Variants in PLA2G2C observed in about 807,000 individuals in gnomAD.
The protein encoded by PLA2G2C is putative inactive group IIC secretory phospholipase A2.
A neutral mutation model predicts 14.3 loss-of-function variants in PLA2G2C; 15 were observed. That is an observed-to-expected ratio of 1.05 (90% confidence interval 0.70 to 1.62). The LOEUF (loss-of-function observed/expected upper bound fraction) is 1.62, where lower values mean the gene tolerates loss of function less well. PLA2G2C is among the 40% of genes most tolerant of loss of function. PLA2G2C has a pLI of 0.00. For missense variants in PLA2G2C, 162 were observed against 173.2 expected (o/e 0.94, Z 0.36); for synonymous variants, 79 against 67.7 (o/e 1.17, Z -0.82).
intron 3 of PLA2G2C, among the ~76,000 whole-genome samples, chr1:20,173,256 C>T (rs2018121498): frequency 6.6e-6 from 1 of 151,976 alleles, no homozygotes; most frequent in Non-Finnish European, 1.5e-5. Flanking sequence ...ACGGAGGCTG[C>T]AGTGAGCTCT....
chr1:20,184,101 AG>A (rs1483036437), intron 1 of PLA2G2C: 1 of 152,258 alleles, frequency 6.6e-6, no homozygotes, highest in African/African-American at 2.4e-5. Flanking sequence ...GGAGAGCAAA[AG>A]GCAGGTACTG....
chr1:20,186,301 G>A (rs1210054664), intron 1 of PLA2G2C, 59 bp downstream of exon 1: 3 of 152,328 alleles, frequency 2.0e-5, no homozygotes, highest in Non-Finnish European at 1.5e-5. Flanking sequence ...CCGGGAGACA[G>A]GCGAGGAGCC....
chr1:20,164,078 G>T lies in PLA2G2C; in HGVS notation c.363C>A (p.Cys121Ter), dbSNP rs775403264. 3 of 1,613,836 alleles carry T rather than the reference G, an allele frequency of 1.9e-6. No homozygotes were observed. The highest frequency in any genetic ancestry group is 2.5e-6 in the Non-Finnish European group (3 of 1,179,880). The change falls in exon 5 of 5, where the codon TGC becomes TGA. Residue 121 changes from cysteine to a stop codon, truncating the protein, a stop_gained. Transcript: ENST00000679259. LOFTEE classifies it high-confidence loss of function. ...CATAGGTGGGCAGGCTCTCTTTGAAGCAGTGCACGGATTGCTTGTCACACT... is the reference window on the plus strand; with the variant it reads ...CATAGGTGGGCAGGCTCTCTTTGAATCAGTGCACGGATTGCTTGTCACACT... ...ACECDKQSVH[C>*]FKESLPTYEK...
At chr1:20,165,713 T>G (rs1409474282) in intron 4 of PLA2G2C, among the ~76,000 whole-genome samples, 2 of 147,792 alleles carry the variant, frequency 1.4e-5, no homozygotes, top group East Asian at 5.2e-4. Flanking sequence ...TGCGTGTGCC[T>G]GTGTGCATGT....
intron 1 of PLA2G2C, among the ~76,000 whole-genome samples, chr1:20,179,148 CCA>C (rs2018235561): frequency 6.6e-6 from 1 of 152,196 alleles, no homozygotes; most frequent in Admixed American, 6.5e-5. Context: ...GGTCCCAGCC[CCA>C]GAGCTCCCTG....
rs1184739005 is a variant in PLA2G2C, at chr1:20,164,185, G to C, written c.284-28C>G. On this transcript the variant is annotated intron_variant, in intron 4 of 4. Transcript: ENST00000679259. ...ACAGAGACACAGAGGGTCACTGGGG[G>C]CTCCCAGCCCAGCCCCAGGGTTTGG... 1.6e-5 allele frequency: 26 copies of C among 1,597,610 alleles called. 1 individual carries two copies. The highest frequency in any genetic ancestry group is 2.1e-5 in the Non-Finnish European group (25 of 1,171,752).
rs72970775 is a variant in PLA2G2C at position 20,169,584 on chromosome 1, G to A, written c.283+3210C>T. Reference sequence around the variant, plus strand: ...CAGTAATAAAGAAAATCCCAGTGCCGTAAGCAAAGAGGAAAAGAAAACTTG... The same window carrying A: ...CAGTAATAAAGAAAATCCCAGTGCCATAAGCAAAGAGGAAAAGAAAACTTG... On this transcript the variant is annotated intron_variant, in intron 4 of 4. Transcript: ENST00000679259. 1.5e-3 allele frequency among the ~76,000 whole-genome samples: 232 copies of A among 152,300 alleles called. 7 individuals carry two copies. The East Asian group carries it at 0.037, about 24-fold the overall frequency.
intron 1 of PLA2G2C, among the ~76,000 whole-genome samples, chr1:20,185,177 AC>A (rs1293791718): frequency 6.6e-6 from 1 of 151,912 alleles, no homozygotes; most frequent in Admixed American, 6.6e-5. Context: ...GGGAGAGAGA[AC>A]CCAGTGGTCG....
rs566391069 is a variant in PLA2G2C at position 20,173,087 on chromosome 1, T to C, written c.180-190A>G. Among the ~76,000 whole-genome samples, 3 of 151,624 alleles carry C rather than the reference T, an allele frequency of 2.0e-5. No homozygotes were observed. In the East Asian group the frequency reaches 5.9e-4, roughly 30 times the overall value. On this transcript the variant is annotated intron_variant, in intron 3 of 4. Coordinates refer to ENST00000679259, the MANE Select transcript of PLA2G2C (RefSeq NM_001367969.2). ...ACTTTGTGAGGATAAGGCAGGAGGA[T>C]CGCTTCAGTCCAGGAGTTTGAGACC... is the stretch of plus-strand genomic sequence containing the variant.
In PLA2G2C at chr1:20,163,927, A is replaced by G; in HGVS notation, c.*64T>C. ...AGGGGCCTGTTGGGGATGATCTGAG[A>G]AGGCTTCCTGGAAGAGCAACACTAG... On this transcript the variant is annotated 3_prime_UTR_variant, in exon 5 of 5. Coordinates refer to ENST00000679259, the MANE Select transcript of PLA2G2C (RefSeq NM_001367969.2). 1 of 1,515,384 alleles carries G rather than the reference A, an allele frequency of 6.6e-7. No individual in the cohort carries two copies. Among genetic ancestry groups the G allele is most frequent in the Non-Finnish European group, 8.9e-7 (1 of 1,124,052 alleles). 93.9% of individuals were successfully genotyped at this position (1,515,384 alleles called of 1,614,324 possible). A position where few individuals can be genotyped will look rare whatever the true frequency, so the allele number is the denominator to read the frequency against.
At chr1:20,175,418 T>TC (rs2100720586) in intron 2 of PLA2G2C, among the ~76,000 whole-genome samples, 1 of 152,244 alleles carries the variant, frequency 6.6e-6, no homozygotes, top group Admixed American at 6.5e-5. Context: ...TCAACCATAG[T>TC]CTTCCCCCTC....
chr1:20,175,914 T>A (rs1210307356), intron 2 of PLA2G2C, among the ~76,000 whole-genome samples: 2 of 151,282 alleles, frequency 1.3e-5, no homozygotes, highest in African/African-American at 4.9e-5. Context: ...TTCCTTCTTT[T>A]TTTTTTTTTT....
At chr1:20,167,393 G>A (rs2017996915) in intron 4 of PLA2G2C, among the ~76,000 whole-genome samples, 1 of 152,164 alleles carries the variant, frequency 6.6e-6, no homozygotes, top group Non-Finnish European at 1.5e-5. Context: ...AGTATTTGGT[G>A]CCACTATCTA....
chr1:20,181,403 C>T (rs1015461312), intron 1 of PLA2G2C, among the ~76,000 whole-genome samples: 1 of 152,004 alleles, frequency 6.6e-6, no homozygotes. Flanking sequence ...CGATTCATTC[C>T]AGTTTACCAG....
chr1:20,184,592 T>A (rs1430254629), intron 1 of PLA2G2C: 2 of 152,250 alleles, frequency 1.3e-5, no homozygotes, highest in Non-Finnish European at 2.9e-5. Flanking sequence ...ACTGACATGA[T>A]CTTCTTTCAC....
chr1:20,184,225 A>ACACT lies in PLA2G2C; in HGVS notation c.-77+2134_-77+2135insAGTG, dbSNP rs1476527413. 8.9e-4 allele frequency: 136 copies of ACACT among 152,470 alleles called. 3 individuals carry two copies. The East Asian group carries it at 0.023, about 26-fold the overall frequency. 9.4% of individuals were successfully genotyped at this position (152,470 alleles called of 1,614,324 possible). On this transcript the variant is annotated intron_variant, in intron 1 of 4. Coordinates refer to ENST00000679259, the MANE Select transcript of PLA2G2C (RefSeq NM_001367969.2). ...CACACACACACACACACACACACAC[A>ACACT]CACGGTGAGAAGCCAATTTGATTCT...
chr1:20,170,079 T>C (rs2018044353), intron 4 of PLA2G2C, among the ~76,000 whole-genome samples: 1 of 152,208 alleles, frequency 6.6e-6, no homozygotes. Context: ...GTGCTTAACC[T>C]CTCTGAGCCC....
intron 4 of PLA2G2C, among the ~76,000 whole-genome samples, chr1:20,171,954 G>A (rs998880086): frequency 2.0e-5 from 3 of 151,170 alleles, no homozygotes; most frequent in Non-Finnish European, 2.9e-5. Context: ...TAGTAGAGAC[G>A]GGGTTTCACC....
chr1:20,164,305 T>C, intron 4 of PLA2G2C, 148 bp from the exon 5 acceptor site: 2 of 734,690 alleles, frequency 2.7e-6, no homozygotes, highest in Non-Finnish European at 4.3e-6. Flanking sequence ...TATGCATATG[T>C]GTGCATGTGT....
Sources: allele counts gnomAD v4.1 joint callset (sites outside exome capture counted in the v4.1 genomes callset), GRCh38; gene constraint gnomAD v4.1.1; transcripts MANE v1.5; gene names NCBI Gene and HGNC (gene_info 2026-07-23, HGNC 2026-07-21).